The following PCDHA10 variants were observed in gnomAD, a reference collection of about 807,000 sequenced individuals.
PCDHA10 encodes the protein protocadherin alpha-10.
PCDHA10 carries 45 observed loss-of-function variants against 61.2 expected under a neutral mutation model. The observed-to-expected ratio is 0.74, with a 90% CI of 0.58 to 0.94. PCDHA10 has a LOEUF of 0.94. Ranked by LOEUF, PCDHA10 falls within the 40% of genes least tolerant of loss-of-function variation. PCDHA10 has a pLI of 0.00. For synonymous variants in PCDHA10, 602 were observed against 548.8 expected (o/e 1.10, Z -1.35); for missense variants, 1,278 against 1,236.2 (o/e 1.03, Z -0.51).
chr5:140,905,047 C>A (rs2071568223), intron 1 of PCDHA10, among the ~76,000 whole-genome samples: 1 of 152,076 alleles, frequency 6.6e-6, no homozygotes, highest in Non-Finnish European at 1.5e-5. Context: ...TTAATTAGGT[C>A]CCATTTATTT....
At chr5:140,920,503 A>G (rs1411233164) in intron 1 of PCDHA10, among the ~76,000 whole-genome samples, 1 of 152,126 alleles carries the variant, frequency 6.6e-6, no homozygotes, top group Non-Finnish European at 1.5e-5. Flanking sequence ...AGTTCTACAT[A>G]CTGTTTTATG....
At chr5:140,871,089 C>T in intron 1 of PCDHA10, 1 of 1,613,254 alleles carries the variant, frequency 6.2e-7, no homozygotes, top group Non-Finnish European at 8.5e-7. Flanking sequence ...CGGCCACGGC[C>T]ACCGTGCTGG....
At chr5:140,904,858 CTGTT>C (rs1335177457) in intron 1 of PCDHA10, among the ~76,000 whole-genome samples, 1 of 152,072 alleles carries the variant, frequency 6.6e-6, no homozygotes, top group Non-Finnish European at 1.5e-5. Context: ...TGAGAATTGT[CTGTT>C]TATGTCCTTA....
In PCDHA10 at chr5:140,884,413, G is replaced by C. The variant is rs376737487; in HGVS notation, c.2388+25977G>C. 13 of 1,613,896 alleles carry C rather than the reference G, an allele frequency of 8.1e-6. No homozygotes were observed. The East Asian group carries it at 2.5e-4, about 30-fold the overall frequency. On this transcript the variant is annotated intron_variant, in intron 1 of 3. Transcript: ENST00000307360. Reference sequence around the variant, plus strand: ...TGTCCAGCCTGTTGGTGCTCACGTTGCTGCTGTATACTGCGCTGCGGTGCT... The same window carrying C: ...TGTCCAGCCTGTTGGTGCTCACGTTCCTGCTGTATACTGCGCTGCGGTGCT...
intron 1 of PCDHA10, chr5:140,870,870 G>A: frequency 6.2e-7 from 1 of 1,613,948 alleles, no homozygotes; most frequent in Non-Finnish European, 8.5e-7. Flanking sequence ...CGGGCCACGT[G>A]GTGGCGAAGG....
intron 1 of PCDHA10, among the ~76,000 whole-genome samples, chr5:140,878,596 G>A (rs1352519824): frequency 6.6e-6 from 1 of 152,144 alleles, no homozygotes; most frequent in South Asian, 2.1e-4. Context: ...CTATTACCAA[G>A]TGAATCTTCT....
rs782007386 is a variant in PCDHA10 at position 140,856,148 on chromosome 5, G to A, written c.100G>A (p.Val34Ile). 6.9e-6 allele frequency: 11 copies of A among 1,598,220 alleles called. No homozygotes were observed. In the East Asian group the frequency reaches 2.0e-4, roughly 29 times the overall value. ...EVGSGQLHYS[V>I]YEEARHGTFV... is the part of the protein sequence containing the mutation. ...GGGGAGCGGCCAGCTCCACTACTCA[G>A]TCTACGAGGAGGCCAGACACGGCAC... Residue 34 changes from valine to isoleucine, a missense_variant, in exon 1 of 4, where the codon GTC (valine) becomes ATC (isoleucine). Transcript: ENST00000307360.
At chr5:140,864,296 A>T (rs1232211439) in intron 1 of PCDHA10, 1 of 152,194 alleles carries the variant, frequency 6.6e-6, no homozygotes, top group African/African-American at 2.4e-5. Context: ...TATGTATTCA[A>T]AAATACCATG....
chr5:140,981,459 A>C (rs1267670163), intron 2 of PCDHA10, among the ~76,000 whole-genome samples: 1 of 152,176 alleles, frequency 6.6e-6, no homozygotes, highest in Non-Finnish European at 1.5e-5. Context: ...CTGTAGTCCC[A>C]GCTACTTGGG....
At chr5:140,863,518 C>T (rs1339237201) in intron 1 of PCDHA10, 13 of 402,142 alleles carry the variant, frequency 3.2e-5, no homozygotes, top group Middle Eastern at 7.3e-4. Context: ...AGTGTTCTCC[C>T]ATGGTTCAGA....
At chr5:140,877,156 G>C (rs1471783281) in intron 1 of PCDHA10, 1 of 1,613,810 alleles carries the variant, frequency 6.2e-7, no homozygotes, top group Non-Finnish European at 8.5e-7. Flanking sequence ...GAACGACAAC[G>C]CGCCGGCACT....
chr5:140,929,154 T>C (rs1005551092), intron 1 of PCDHA10: 3 of 1,614,180 alleles, frequency 1.9e-6, no homozygotes, highest in Non-Finnish European at 1.7e-6. Context: ...CTCAGACTTA[T>C]CTCTATCGGG....
intron 1 of PCDHA10, chr5:140,869,094 T>C (rs2050847018): frequency 6.3e-7 from 1 of 1,592,284 alleles, no homozygotes; most frequent in Non-Finnish European, 8.6e-7. Context: ...GGAAGCCAAT[T>C]TCGTATGCGA....
At chr5:140,946,092 G>T (rs985293430) in intron 1 of PCDHA10, among the ~76,000 whole-genome samples, 1 of 151,914 alleles carries the variant, frequency 6.6e-6, no homozygotes, top group Non-Finnish European at 1.5e-5. Context: ...CTGATAAGGA[G>T]TTAACATACC....
At chr5:140,868,317 C>G (rs2050392446) in intron 1 of PCDHA10, 2 of 151,824 alleles carry the variant, frequency 1.3e-5, no homozygotes, top group South Asian at 4.2e-4. Context: ...TCATATTGTT[C>G]TGCAATGAAT....
At chr5:140,956,985 A>G (rs1554222760) in intron 1 of PCDHA10, among the ~76,000 whole-genome samples, 2 of 152,224 alleles carry the variant, frequency 1.3e-5, no homozygotes, top group African/African-American at 2.4e-5. Flanking sequence ...AGTAAAATAA[A>G]TTCAAGGAAG....
chr5:140,969,483 G>T (rs531496681), intron 1 of PCDHA10: 15 of 1,462,254 alleles, frequency 1.0e-5, no homozygotes, highest in Non-Finnish European at 1.3e-5. Context: ...ATCATAATCT[G>T]CTATTTCCTC....
At chr5:140,904,018 A>G (rs2070774543) in intron 1 of PCDHA10, among the ~76,000 whole-genome samples, 1 of 152,198 alleles carries the variant, frequency 6.6e-6, no homozygotes. Context: ...TTAAAAAATA[A>G]TGGTATAATT....
At chr5:140,883,308 C>T (rs782669562) in intron 1 of PCDHA10, 2 of 1,614,102 alleles carry the variant, frequency 1.2e-6, no homozygotes, top group South Asian at 1.1e-5. Flanking sequence ...AATGATAACG[C>T]CCCAGAGGTT....
Sources: gnomAD v4.1 joint callset for allele counts (sites outside exome capture counted in the v4.1 genomes callset) on GRCh38, gnomAD v4.1.1 for gene constraint, MANE v1.5 for transcripts, NCBI Gene and HGNC (gene_info 2026-07-23, HGNC 2026-07-21) for gene names.